The following CRACD variants were observed in gnomAD, a reference collection of about 807,000 sequenced individuals.
CRACD encodes capping protein-inhibiting regulator of actin dynamics.
Under a neutral mutation model 106.8 loss-of-function variants are expected in CRACD, and 56 were observed. The observed-to-expected ratio is 0.52, with a 90% CI of 0.42 to 0.66. The LOEUF is 0.66. Among genes scored for constraint, CRACD ranks in the 30% least tolerant of loss-of-function variants. The pLI is 0.00. For missense variants in CRACD, 1,730 were observed against 1,623.2 expected, an observed-to-expected ratio of 1.07 and a Z score of -1.13; for synonymous variants, 754 against 670.8, an observed-to-expected ratio of 1.12 and a Z score of -1.92.
chr4:56,071,196 C>G (rs1732635825), intron 1 of CRACD, among the ~76,000 whole-genome samples: 1 of 152,062 alleles, frequency 6.6e-6, no homozygotes, highest in Non-Finnish European at 1.5e-5. Flanking sequence ...AAAGTTTTTG[C>G]CCTAGGATAA....
At chr4:56,232,853 T>G (rs1308587232) in intron 2 of CRACD, among the ~76,000 whole-genome samples, 2 of 151,912 alleles carry the variant, frequency 1.3e-5, no homozygotes, top group Non-Finnish European at 1.5e-5. Context: ...GCCTCCCAAG[T>G]AGTTGGGATT....
intron 1 of CRACD, among the ~76,000 whole-genome samples, chr4:56,093,543 C>A (rs1733498341): frequency 6.6e-6 from 1 of 152,190 alleles, no homozygotes; most frequent in Admixed American, 6.5e-5. Flanking sequence ...GTGTTTCCTG[C>A]ACCCAGCTAC....
intron 2 of CRACD, among the ~76,000 whole-genome samples, chr4:56,245,440 G>A (rs1157569706): frequency 1.3e-5 from 2 of 152,204 alleles, no homozygotes; most frequent in South Asian, 2.1e-4. Context: ...AACAATAACC[G>A]AAAGCAAACA....
At chr4:56,287,792 A>G (rs1743457398) in intron 3 of CRACD, among the ~76,000 whole-genome samples, 2 of 152,148 alleles carry the variant, frequency 1.3e-5, no homozygotes, top group African/African-American at 4.8e-5. Flanking sequence ...AAGGAAAGGA[A>G]AGAGGAGGTG....
chr4:56,192,253 A>G (rs975665873), intron 2 of CRACD, among the ~76,000 whole-genome samples: 4 of 152,118 alleles, frequency 2.6e-5, no homozygotes, highest in African/African-American at 9.7e-5. Context: ...TTAGCCGAGC[A>G]TGGTGGTGCA....
At chr4:56,318,931 A>C (rs1745863788) in intron 8 of CRACD, among the ~76,000 whole-genome samples, 2 of 152,150 alleles carry the variant, frequency 1.3e-5, no homozygotes, top group Non-Finnish European at 1.5e-5. Context: ...TCATGGTGCT[A>C]TTTTTTATTC....
At chr4:56,240,202 C>T (rs1740283338) in intron 2 of CRACD, among the ~76,000 whole-genome samples, 1 of 151,904 alleles carries the variant, frequency 6.6e-6, no homozygotes, top group South Asian at 2.1e-4. Flanking sequence ...TATTTCCCAC[C>T]TCAGGAAATG....
intron 3 of CRACD, among the ~76,000 whole-genome samples, chr4:56,295,935 T>C (rs1743998793): frequency 6.6e-6 from 1 of 152,058 alleles, no homozygotes. Context: ...CATAACATAT[T>C]AATCTCCCTG....
chr4:56,222,312 G>A (rs1739085369), intron 2 of CRACD, among the ~76,000 whole-genome samples: 2 of 152,172 alleles, frequency 1.3e-5, no homozygotes, highest in South Asian at 2.1e-4. Context: ...AATAATGTAT[G>A]TTCTCACAAG....
At chr4:56,228,397 C>G (rs1739427131) in intron 2 of CRACD, among the ~76,000 whole-genome samples, 1 of 151,956 alleles carries the variant, frequency 6.6e-6, no homozygotes, top group African/African-American at 2.4e-5. Context: ...ATATATAGTT[C>G]AGTCATTAAT....
intron 3 of CRACD, among the ~76,000 whole-genome samples, chr4:56,284,597 T>TACAC (rs1743226725): frequency 6.6e-6 from 1 of 151,982 alleles, no homozygotes; most frequent in Non-Finnish European, 1.5e-5. Flanking sequence ...TGGTGGTGGG[T>TACAC]ACCTGTAATC....
At chr4:56,152,662 G>A (rs936915319) in intron 1 of CRACD, among the ~76,000 whole-genome samples, 6 of 152,016 alleles carry the variant, frequency 3.9e-5, no homozygotes, top group Non-Finnish European at 7.4e-5. Flanking sequence ...TTACACCTCT[G>A]CAACTCCAGC....
chr4:56,175,262 G>A (rs1736535038), intron 1 of CRACD, among the ~76,000 whole-genome samples: 1 of 152,178 alleles, frequency 6.6e-6, no homozygotes, highest in Non-Finnish European at 1.5e-5. Context: ...GTTGTCCATA[G>A]TGGTTGTACT....
rs1226179813 is a variant in CRACD at position 56,314,526 on chromosome 4, G to GAGGAGCGGAGGCGGC, written c.1030_1044dup (p.Arg344_Glu348dup). 1 of 1,511,316 alleles carries GAGGAGCGGAGGCGGC rather than the reference G, an allele frequency of 6.6e-7. No individual in the cohort carries two copies. Among genetic ancestry groups the GAGGAGCGGAGGCGGC allele is most frequent in the Non-Finnish European group, 8.8e-7 (1 of 1,133,030 alleles). 93.6% of individuals were successfully genotyped at this position (1,511,316 alleles called of 1,614,324 possible). A position where few individuals can be genotyped will look rare whatever the true frequency, so the allele number is the denominator to read the frequency against. The stretch of plus-strand genomic sequence containing the variant: ...GCGGCTGGAGGAGGACGCCAGGCTG[G>GAGGAGCGGAGGCGGC]AGGAGCGGAGGCGGCAGGAGGAGGA... On this transcript the variant is annotated inframe_insertion, in exon 8 of 11. Transcript: ENST00000682029. This position sits in a 1 kb window ranked among gnomAD's most constrained non-coding sequence, Gnocchi z 4.4.
chr4:56,096,119 T>C (rs1196222396), intron 1 of CRACD, among the ~76,000 whole-genome samples: 1 of 152,010 alleles, frequency 6.6e-6, no homozygotes, highest in Non-Finnish European at 1.5e-5. Context: ...ACATAGTAGG[T>C]ATTTAAGTAG....
At chr4:56,321,539 G>A (rs2109793207) in intron 8 of CRACD, among the ~76,000 whole-genome samples, 1 of 152,246 alleles carries the variant, frequency 6.6e-6, no homozygotes, top group South Asian at 2.1e-4. Context: ...TGGTATAATA[G>A]CTTTCTATAG....
intron 6 of CRACD, 63 bp downstream of exon 6, chr4:56,310,797 C>CA (rs1226277680): frequency 3.7e-5 from 36 of 974,268 alleles, no homozygotes; most frequent in Non-Finnish European, 5.0e-5. Flanking sequence ...CTTCCCCCCC[C>CA]CTTTTTTTTT....
At chr4:56,090,098 C>T (rs1733375370) in intron 1 of CRACD, among the ~76,000 whole-genome samples, 1 of 151,396 alleles carries the variant, frequency 6.6e-6, no homozygotes, top group Admixed American at 6.6e-5. Context: ...ACATATTCTG[C>T]CTTCCTTAAT....
At chr4:56,165,910 C>T (rs1011192019) in intron 1 of CRACD, among the ~76,000 whole-genome samples, 7 of 152,154 alleles carry the variant, frequency 4.6e-5, no homozygotes, top group African/African-American at 1.4e-4. Flanking sequence ...GCCCAGCCTG[C>T]AGTGTAGTAG....
Sources: allele counts gnomAD v4.1 joint callset (sites outside exome capture counted in the v4.1 genomes callset), GRCh38; gene constraint gnomAD v4.1.1; non-coding constraint Gnocchi (gnomAD v3.1); transcripts MANE v1.5; gene names NCBI Gene and HGNC (gene_info 2026-07-23, HGNC 2026-07-21).